SLC2A13: variants seen among roughly 807,000 people sequenced by gnomAD.
SLC2A13 encodes solute carrier family 2 member 13, also known as proton myo-inositol cotransporter.
SLC2A13 carries 32 observed loss-of-function variants against 64.4 expected under a neutral mutation model. That is an observed-to-expected ratio of 0.50 (90% CI 0.37 to 0.67). The LOEUF (loss-of-function observed/expected upper bound fraction) is 0.67, where lower values mean the gene tolerates loss of function less well. Ranked by LOEUF, SLC2A13 falls within the 30% of genes least tolerant of loss-of-function variation. The pLI, the probability that SLC2A13 is intolerant of heterozygous loss-of-function variation, is 0.00. For synonymous variants in SLC2A13, 338 were observed against 327.1 expected (o/e 1.03, Z -0.36); for missense variants, 743 against 829.2 (o/e 0.90, Z 1.28).
chr12:39,764,942 G>A (rs1940294036), intron 7 of SLC2A13, 84 bp from the exon 8 acceptor site: 23 of 1,462,534 alleles, frequency 1.6e-5, no homozygotes, highest in Non-Finnish European at 2.1e-5. Flanking sequence ...TTATGTATTT[G>A]GAAATTCCTT....
At chr12:39,940,966 T>C (rs1373457376) in intron 4 of SLC2A13, among the ~76,000 whole-genome samples, 1 of 152,096 alleles carries the variant, frequency 6.6e-6, no homozygotes, top group Non-Finnish European at 1.5e-5. Flanking sequence ...CATATGATGT[T>C]TGGTTTTCCA....
intron 3 of SLC2A13, among the ~76,000 whole-genome samples, chr12:39,963,605 C>T (rs886211411): frequency 6.6e-6 from 1 of 152,120 alleles, no homozygotes; most frequent in Non-Finnish European, 1.5e-5. Context: ...AGAATTATTC[C>T]ATTCCCCTGC....
intron 3 of SLC2A13, among the ~76,000 whole-genome samples, chr12:40,015,304 A>T (rs1947604651): frequency 6.6e-6 from 1 of 152,152 alleles, no homozygotes; most frequent in African/African-American, 2.4e-5. Context: ...TGATGTTGAA[A>T]AAGCACCTTT....
chr12:39,882,157 C>T (rs1387642797), intron 4 of SLC2A13, among the ~76,000 whole-genome samples: 1 of 152,126 alleles, frequency 6.6e-6, no homozygotes, highest in East Asian at 1.9e-4. Context: ...ATAATACTTA[C>T]TATGTGAGTA....
intron 3 of SLC2A13, among the ~76,000 whole-genome samples, chr12:40,011,940 A>G (rs1210521121): frequency 6.6e-6 from 1 of 152,220 alleles, no homozygotes. Context: ...TCGCGTGTCC[A>G]TGAAGCCAGC....
chr12:39,959,774 G>GTTTATCCTTTCT lies in SLC2A13; in HGVS notation c.926-8410_926-8409insAGAAAGGATAAA, dbSNP rs1174777418. Reference sequence around the variant, plus strand: ...GTTCTAGAAAACTTTTATTTAAAAAGAGGAAGTATCCTTTCTAAATAAATA... The same window carrying GTTTATCCTTTCT: ...GTTCTAGAAAACTTTTATTTAAAAAGTTTATCCTTTCTAGGAAGTATCCTTTCTAAATAAATA... On this transcript the variant is annotated intron_variant, in intron 3 of 9. Transcript: ENST00000280871. 3.1e-4 allele frequency among the ~76,000 whole-genome samples: 47 copies of GTTTATCCTTTCT among 152,248 alleles called. No individual in the cohort carries two copies. The East Asian group carries it at 8.7e-3, about 28-fold the overall frequency.
intron 1 of SLC2A13, among the ~76,000 whole-genome samples, chr12:40,084,292 T>C (rs1184842583): frequency 2.0e-5 from 3 of 152,250 alleles, no homozygotes; most frequent in Non-Finnish European, 4.4e-5. Context: ...GTGTGTTCTA[T>C]CCATCAATAG....
chr12:39,842,612 A>T (rs1056902163), intron 6 of SLC2A13, among the ~76,000 whole-genome samples: 4 of 152,022 alleles, frequency 2.6e-5, no homozygotes, highest in African/African-American at 4.8e-5. Context: ...ACATATTTTT[A>T]AAAATTTTTT....
At position 39,792,886 on chromosome 12, in the gene SLC2A13, C is replaced by T. The variant is rs1250772205; in HGVS notation, c.1446-28028G>A. Among the ~76,000 whole-genome samples, 4 of 151,570 alleles carry T rather than the reference C, an allele frequency of 2.6e-5. No homozygotes were observed. The East Asian group carries it at 7.7e-4, about 29-fold the overall frequency. On this transcript the variant is annotated intron_variant, in intron 7 of 9. Coordinates refer to ENST00000280871, the MANE Select transcript of SLC2A13 (RefSeq NM_052885.4). ...GGTCAACTGTATTGCAAATTTCTAT[C>T]AATGTGGGGCTTCTCTTTCTACTTT...
At chr12:40,097,064 T>G (rs929370165) in intron 1 of SLC2A13, among the ~76,000 whole-genome samples, 1 of 152,110 alleles carries the variant, frequency 6.6e-6, no homozygotes, top group Non-Finnish European at 1.5e-5. Flanking sequence ...AATTCATACT[T>G]AAACTAAGGA....
chr12:39,918,810 G>A (rs1427132067), intron 4 of SLC2A13, among the ~76,000 whole-genome samples: 4 of 149,414 alleles, frequency 2.7e-5, no homozygotes, highest in Non-Finnish European at 3.0e-5. Context: ...AGGAGATCAT[G>A]CCACTGCACT....
At chr12:39,984,154 G>T (rs1353299451) in intron 3 of SLC2A13, among the ~76,000 whole-genome samples, 1 of 139,396 alleles carries the variant, frequency 7.2e-6, no homozygotes, top group Non-Finnish European at 1.5e-5. Flanking sequence ...ACAGGAAGGG[G>T]AATATCACAA....
intron 7 of SLC2A13, chr12:39,829,386 GTAAT>G (rs1380048911): frequency 1.1e-5 from 1 of 94,576 alleles, no homozygotes; most frequent in Admixed American, 1.2e-4. Flanking sequence ...TAATGTGATA[GTAAT>G]TCTTTTTTTT....
intron 3 of SLC2A13, among the ~76,000 whole-genome samples, chr12:40,027,825 G>C (rs1214576107): frequency 6.6e-6 from 1 of 152,136 alleles, no homozygotes; most frequent in Non-Finnish European, 1.5e-5. Flanking sequence ...TATAGATCCT[G>C]CCTCAGAATT....
intron 6 of SLC2A13, among the ~76,000 whole-genome samples, chr12:39,843,489 T>C (rs1315594023): frequency 6.6e-6 from 1 of 152,068 alleles, no homozygotes; most frequent in Non-Finnish European, 1.5e-5. Flanking sequence ...TTGTGAAAGA[T>C]ATAAATAATG....
intron 2 of SLC2A13, among the ~76,000 whole-genome samples, chr12:40,047,825 C>T (rs541587275): frequency 1.3e-5 from 2 of 152,204 alleles, no homozygotes; most frequent in Admixed American, 1.3e-4. Flanking sequence ...CACCTAAATG[C>T]TAAAAAAGCC....
chr12:39,873,643 G>A (rs1249019932), intron 4 of SLC2A13, among the ~76,000 whole-genome samples: 1 of 151,984 alleles, frequency 6.6e-6, no homozygotes, highest in Non-Finnish European at 1.5e-5. Context: ...AGAGGCAGGG[G>A]AAAATTAAAA....
chr12:39,961,101 C>T (rs1292140237), intron 3 of SLC2A13, among the ~76,000 whole-genome samples: 13 of 143,910 alleles, frequency 9.0e-5, no homozygotes, highest in Admixed American at 2.1e-4. Flanking sequence ...TACTTTGAGA[C>T]GGAGTCTCGC....
intron 7 of SLC2A13, among the ~76,000 whole-genome samples, chr12:39,807,984 T>C (rs1187669056): frequency 1.3e-5 from 2 of 152,188 alleles, no homozygotes; most frequent in Admixed American, 6.5e-5. Flanking sequence ...CATCTATTCA[T>C]GTATAATATA....
Sources: gnomAD v4.1 joint callset for allele counts (sites outside exome capture counted in the v4.1 genomes callset) on GRCh38, gnomAD v4.1.1 for gene constraint, MANE v1.5 for transcripts, NCBI Gene and HGNC (gene_info 2026-07-23, HGNC 2026-07-21) for gene names.